The following TMBIM6 variants were observed in gnomAD, a reference collection of about 807,000 sequenced individuals.
TMBIM6 encodes the protein bax inhibitor 1.
A neutral mutation model predicts 31.4 loss-of-function variants in TMBIM6; 13 were observed. The ratio of observed to expected loss-of-function variants is 0.41; its 90% CI spans 0.27 to 0.66. The LOEUF is 0.66. Among genes scored for constraint, TMBIM6 ranks in the 30% least tolerant of loss-of-function variants. The pLI is 0.28. For synonymous variants in TMBIM6, 85 were observed against 101.7 expected (o/e 0.84, Z 0.99); for missense variants, 275 against 289.5 (o/e 0.95, Z 0.36).
chr12:49,756,179 G>C (rs1014494907), intron 4 of TMBIM6, among the ~76,000 whole-genome samples: 1 of 150,722 alleles, frequency 6.6e-6, no homozygotes, highest in Non-Finnish European at 1.5e-5. Flanking sequence ...TGTCACCCAG[G>C]CTAGAGAGTG....
intron 1 of TMBIM6, chr12:49,742,052 C>T: frequency 6.5e-7 from 1 of 1,534,228 alleles, no homozygotes; most frequent in Non-Finnish European, 8.8e-7. Flanking sequence ...GATTGCTGTT[C>T]GGCTGCGGGC....
At chr12:49,757,965 A>T (rs1257045007) in intron 4 of TMBIM6, among the ~76,000 whole-genome samples, 1 of 152,068 alleles carries the variant, frequency 6.6e-6, no homozygotes, top group Admixed American at 6.6e-5. Flanking sequence ...ATTTTCTTGT[A>T]ATCTCTGTAC....
chr12:49,758,508 G>T, intron 6 of TMBIM6, 28 bp downstream of exon 6: 1 of 1,609,360 alleles, frequency 6.2e-7, no homozygotes, highest in Non-Finnish European at 8.5e-7. Flanking sequence ...AACAGGGAAT[G>T]GGGGCTCCTT....
At chr12:49,758,889 T>C in intron 7 of TMBIM6, 127 bp downstream of exon 7, 1 of 818,356 alleles carries the variant, frequency 1.2e-6, no homozygotes, top group South Asian at 1.7e-5. Flanking sequence ...CCATTATCCT[T>C]CATAGGATGG....
intron 1 of TMBIM6, among the ~76,000 whole-genome samples, chr12:49,750,872 T>C (rs1316641893): frequency 2.0e-5 from 3 of 152,198 alleles, no homozygotes. Flanking sequence ...GTAACTTTTA[T>C]TATTACCTAG....
rs1292621134 is a variant in TMBIM6 at position 49,764,727 on chromosome 12, G to GAAAAAA, written c.*1839_*1844dup. ...CAAGATATTAAAAAAAAAAAAGAAA[G>GAAAAAA]AAAAAAAAAAAAACACCTACTTTTA... On this transcript the variant is annotated 3_prime_UTR_variant, in exon 10 of 10. Transcript: ENST00000267115. 5 of 113,784 alleles carry GAAAAAA rather than the reference G, an allele frequency of 4.4e-5. No individual in the cohort carries two copies. Among genetic ancestry groups the GAAAAAA allele is most frequent in the African/African-American group, 1.0e-4 (3 of 28,846 alleles). The allele number at this position is 113,784 out of a possible 1,614,324, so 7.0% of individuals were successfully genotyped here.
intron 1 of TMBIM6, among the ~76,000 whole-genome samples, chr12:49,745,439 T>G (rs1945373061): frequency 6.6e-6 from 1 of 152,170 alleles, no homozygotes; most frequent in African/African-American, 2.4e-5. Flanking sequence ...GAAACTGTAC[T>G]TCAGGCCAGG....
In TMBIM6 at chr12:49,761,754, T is replaced by G. The variant is rs748531210; in HGVS notation, c.665T>G (p.Met222Arg). ...TTCATTACTGTCTTCAGAAAACTCA[T>G]GATGATCCTGGCCATGAATGAAAAG... The part of the protein sequence containing the change: ...LDFITVFRKL[M>R]MILAMNEKDK... Residue 222 changes from methionine to arginine, a missense_variant, in exon 9 of 10, where the codon ATG (methionine) becomes AGG (arginine). Met to Arg is a moderately conservative substitution (Grantham distance 91). Coordinates refer to ENST00000267115, the MANE Select transcript of TMBIM6 (RefSeq NM_003217.3). 1 of 1,614,252 alleles carries G rather than the reference T, an allele frequency of 6.2e-7. No individual in the cohort carries two copies. Among genetic ancestry groups the G allele is most frequent in the Non-Finnish European group, 8.5e-7 (1 of 1,180,042 alleles).
intron 1 of TMBIM6, among the ~76,000 whole-genome samples, chr12:49,749,441 G>GTTTTTTTTT (rs61667487): frequency 6.8e-6 from 1 of 146,046 alleles, no homozygotes; most frequent in Non-Finnish European, 1.5e-5. Flanking sequence ...AGTCATTTTT[G>GTTTTTTTTT]TTTTTTTTTG....
intron 4 of TMBIM6, among the ~76,000 whole-genome samples, chr12:49,756,323 A>G (rs1287836296): frequency 6.7e-6 from 1 of 149,058 alleles, no homozygotes; most frequent in Non-Finnish European, 1.5e-5. Context: ...TTTAGTAGAG[A>G]TGGGGTTTTA....
At chr12:49,752,876 A>G (rs1945520441) in intron 2 of TMBIM6, 97 bp from the exon 3 acceptor site, 1 of 1,138,784 alleles carries the variant, frequency 8.8e-7, no homozygotes, top group Non-Finnish European at 1.3e-6. Flanking sequence ...CAGAACTTTT[A>G]CATATTCCCA....
chr12:49,749,755 C>G (rs1945462151), intron 1 of TMBIM6: 1 of 152,076 alleles, frequency 6.6e-6, no homozygotes, highest in African/African-American at 2.4e-5. Flanking sequence ...TTTGAGTCAA[C>G]GATATTTTTA....
At chr12:49,758,333 G>T in intron 5 of TMBIM6, 50 bp from the exon 6 acceptor site, 1 of 1,613,302 alleles carries the variant, frequency 6.2e-7, no homozygotes, top group Non-Finnish European at 8.5e-7. Flanking sequence ...CCTTCTAAAT[G>T]TAGACCGTAT....
In TMBIM6 at chr12:49,752,561, G is replaced by C. The variant is rs1459153132; in HGVS notation, c.56+12G>C. ...AAATTTTCTCATATGTAAGTGTTTTGACCTTGACTGGTTTTGTACTGCATT... is the reference window on the plus strand; with the variant it reads ...AAATTTTCTCATATGTAAGTGTTTTCACCTTGACTGGTTTTGTACTGCATT... On this transcript the variant is annotated intron_variant, in intron 2 of 9. Coordinates refer to ENST00000267115, the MANE Select transcript of TMBIM6 (RefSeq NM_003217.3). 6.2e-7 allele frequency: 1 copy of C among 1,602,154 alleles called. No individual in the cohort carries two copies. Among genetic ancestry groups the C allele is most frequent in the South Asian group, 1.1e-5 (1 of 90,542 alleles).
Position 49,752,967 on chromosome 12 carries a change from T to C in TMBIM6, c.57-6T>C, listed in dbSNP as rs1945522569. 1.2e-6 allele frequency: 2 copies of C among 1,613,020 alleles called. No homozygotes were observed. The highest frequency in any genetic ancestry group is 2.2e-5 in the East Asian group (1 of 44,886). On this transcript the variant is annotated splice_polypyrimidine_tract_variant and splice_region_variant and intron_variant, in intron 2 of 9. Coordinates refer to ENST00000267115, the MANE Select transcript of TMBIM6 (RefSeq NM_003217.3). ...CTGATTGCTCTTATTCACATTCTTT[T>C]CTTAGAACCCCGTCAACGCAGCAGC...
At chr12:49,750,343 G>T (rs1224493816) in intron 1 of TMBIM6, among the ~76,000 whole-genome samples, 1 of 152,230 alleles carries the variant, frequency 6.6e-6, no homozygotes, top group Admixed American at 6.5e-5. Flanking sequence ...GTAATTGGAA[G>T]CAAGAGGTTC....
Position 49,758,440 on chromosome 12 carries a change from T to C in TMBIM6, c.393T>C (p.Ser131=), listed in dbSNP as rs1945648613. Residue 131 remains serine (S), a synonymous_variant, in exon 6 of 10, where the codon AGT becomes AGC. Coordinates refer to ENST00000267115, the MANE Select transcript of TMBIM6 (RefSeq NM_003217.3). ...TGATCTTTACCTGCTTCACCCTCAG[T>C]GCACTCTATGCCAGGCGCCGTAGCT... The part of the protein sequence containing the change: ...TAMIFTCFTL[S]ALYARRRSYL... The C allele has an allele frequency of 3.1e-6, 5 of 1,614,246 alleles. No individual in the cohort carries two copies. The highest frequency in any genetic ancestry group is 2.2e-5 in the East Asian group (1 of 44,896).
intron 1 of TMBIM6, among the ~76,000 whole-genome samples, chr12:49,746,391 TC>T (rs1945394733): frequency 6.6e-6 from 1 of 152,092 alleles, no homozygotes; most frequent in African/African-American, 2.4e-5. Flanking sequence ...AAGAGAATAA[TC>T]TACTGAAGAT....
At chr12:49,760,682 A>G (rs1163802929) in intron 8 of TMBIM6, among the ~76,000 whole-genome samples, 1 of 151,292 alleles carries the variant, frequency 6.6e-6, no homozygotes, top group African/African-American at 2.4e-5. Context: ...GATTACAGGC[A>G]CTCTCCACCA....
Sources: allele counts gnomAD v4.1 joint callset (sites outside exome capture counted in the v4.1 genomes callset), GRCh38; gene constraint gnomAD v4.1.1; transcripts MANE v1.5; gene names NCBI Gene and HGNC (gene_info 2026-07-23, HGNC 2026-07-21).